CTBP1: variants seen among roughly 807,000 people sequenced by gnomAD.
CTBP1 encodes the protein C-terminal-binding protein 1.
Under a neutral mutation model 42.1 loss-of-function variants are expected in CTBP1, and 11 were observed. That is an observed-to-expected ratio of 0.26 (90% CI 0.16 to 0.43). The LOEUF is 0.43. CTBP1 is among the 20% of genes least tolerant of loss of function. The pLI, the probability that CTBP1 is intolerant of heterozygous loss-of-function variation, is 1.00. For missense variants in CTBP1, 399 were observed against 624.3 expected, an observed-to-expected ratio of 0.64 and a Z score of 3.85; for synonymous variants, 324 against 277.1, an observed-to-expected ratio of 1.17 and a Z score of -1.68.
rs193242415 is a variant in CTBP1, at chr4:1,244,510, G to A, written c.-188-2991C>T. Reference sequence around the variant, plus strand: ...ACCAACCCTCCACGTCCCTCCACTGGCCAGCCCTGCTGGGCCAACCGGTCC... The same window carrying A: ...ACCAACCCTCCACGTCCCTCCACTGACCAGCCCTGCTGGGCCAACCGGTCC... On this transcript the variant is annotated intron_variant, in intron 1 of 9. Coordinates refer to ENST00000382952, the MANE Select transcript of CTBP1 (RefSeq NM_001012614.2). 9,791 of 985,144 alleles carry A rather than the reference G, an allele frequency of 9.9e-3. 54 individuals carry two copies. Among genetic ancestry groups the A allele is most frequent in the Non-Finnish European group, 0.011 (8,882 of 829,772 alleles). The allele number at this position is 985,144 out of a possible 1,614,324, so 61.0% of individuals were successfully genotyped here. A position where few individuals can be genotyped will look rare whatever the true frequency, so the allele number is the denominator to read the frequency against.
intron 2 of CTBP1, among the ~76,000 whole-genome samples, chr4:1,240,785 C>T (rs1202718587): frequency 6.6e-6 from 1 of 152,180 alleles, no homozygotes; most frequent in Non-Finnish European, 1.5e-5. Flanking sequence ...GTTCCCCGGA[C>T]AGCCCACCCT....
At chr4:1,244,361 G>GGA in intron 1 of CTBP1, 1 of 984,366 alleles carries the variant, frequency 1.0e-6, no homozygotes, top group Non-Finnish European at 1.2e-6. Flanking sequence ...CACTGGGGGG[G>GGA]GGGTGTTCCA....
At position 1,238,039 on chromosome 4, in the gene CTBP1, T is replaced by G. The variant is rs1251451349; in HGVS notation, c.162+144A>C. 4.5e-6 allele frequency: 5 copies of G among 1,115,590 alleles called. No individual in the cohort carries two copies. The highest frequency in any genetic ancestry group is 5.4e-6 in the Non-Finnish European group (4 of 741,386). 69.1% of individuals were successfully genotyped at this position (1,115,590 alleles called of 1,614,324 possible). A position where few individuals can be genotyped will look rare whatever the true frequency, so the allele number is the denominator to read the frequency against. ...CAGGGAAAACCCCGTGTCCACCTCC[T>G]GACGGCGCGGGACGACTGGGACAGA... On this transcript the variant is annotated intron_variant, in intron 3 of 9. Coordinates refer to ENST00000382952, the MANE Select transcript of CTBP1 (RefSeq NM_001012614.2). This position sits in a 1 kb window ranked among gnomAD's most constrained non-coding sequence, Gnocchi z 5.9.
intron 3 of CTBP1, among the ~76,000 whole-genome samples, chr4:1,229,124 C>T (rs1242340251): frequency 6.6e-6 from 1 of 152,216 alleles, no homozygotes; most frequent in Non-Finnish European, 1.5e-5. Context: ...GTGGTCACGG[C>T]CAACCCCACC....
chr4:1,213,842 C>T lies in CTBP1; in HGVS notation c.861-237G>A, dbSNP rs1299436940. ...AGCCCAAGGGATTTAATCTCCAAGTCCCTCGTGGGAGGAGCCCTGATGGGG... is the reference window on the plus strand; with the variant it reads ...AGCCCAAGGGATTTAATCTCCAAGTTCCTCGTGGGAGGAGCCCTGATGGGG... On this transcript the variant is annotated intron_variant, in intron 7 of 9. Transcript: ENST00000382952. 3 of 534,476 alleles carry T rather than the reference C, an allele frequency of 5.6e-6. No homozygotes were observed. In the East Asian group the frequency reaches 1.0e-4, roughly 18 times the overall value. 33.1% of individuals were successfully genotyped at this position (534,476 alleles called of 1,614,324 possible).
chr4:1,219,686 G>A (rs567051768), intron 5 of CTBP1, among the ~76,000 whole-genome samples: 1 of 152,368 alleles, frequency 6.6e-6, no homozygotes, highest in Non-Finnish European at 1.5e-5. Context: ...AGCAGTGTGT[G>A]CAAGAGAAAA....
At chr4:1,227,952 A>G (rs1449197762) in intron 4 of CTBP1, among the ~76,000 whole-genome samples, 3 of 152,182 alleles carry the variant, frequency 2.0e-5, no homozygotes, top group Admixed American at 6.5e-5. Flanking sequence ...ATGCATGCAG[A>G]CCTGTGTGAA....
At chr4:1,221,308 T>G (rs1250286823) in intron 5 of CTBP1, 1 of 152,342 alleles carries the variant, frequency 6.6e-6, no homozygotes, top group African/African-American at 2.4e-5. Flanking sequence ...GATACGCGGC[T>G]GCCGGAGCAT....
At chr4:1,243,616 A>C (rs1194423786) in intron 1 of CTBP1, 1 of 985,386 alleles carries the variant, frequency 1.0e-6, no homozygotes, top group African/African-American at 1.7e-5. Flanking sequence ...CCCCACTGAG[A>C]GCCAGTGTCC....
At chr4:1,248,505 C>A (rs1330112009) in intron 1 of CTBP1, among the ~76,000 whole-genome samples, 1 of 150,754 alleles carries the variant, frequency 6.6e-6, no homozygotes, top group Non-Finnish European at 1.5e-5. Context: ...CGCCCCATCC[C>A]GGCCCCGCAG....
chr4:1,231,950 G>C (rs1267930192), intron 3 of CTBP1, among the ~76,000 whole-genome samples: 1 of 152,260 alleles, frequency 6.6e-6, no homozygotes, highest in Non-Finnish European at 1.5e-5. Context: ...GCGCACCCCG[G>C]TTCTCATACA....
rs1299609277 is a variant in CTBP1, at chr4:1,242,489, C to T, written c.-188-970G>A. 32 of 984,956 alleles carry T rather than the reference C, an allele frequency of 3.2e-5. No individual in the cohort carries two copies. The East Asian group carries it at 6.8e-4, about 21-fold the overall frequency. The allele number at this position is 984,956 out of a possible 1,614,324, so 61.0% of individuals were successfully genotyped here. ...GTAGTGTGCTGTGAGGCCGCCCCTGCGCAGAGGCCTCGCAGACAAATCTCC... is the reference window on the plus strand; with the variant it reads ...GTAGTGTGCTGTGAGGCCGCCCCTGTGCAGAGGCCTCGCAGACAAATCTCC... On this transcript the variant is annotated intron_variant, in intron 1 of 9. Transcript: ENST00000382952.
intron 1 of CTBP1, among the ~76,000 whole-genome samples, chr4:1,248,204 G>A (rs1256624994): frequency 2.6e-5 from 4 of 151,960 alleles, no homozygotes; most frequent in Non-Finnish European, 5.9e-5. Context: ...AGGCGCCCCG[G>A]GACCTGGGCG....
At chr4:1,244,061 A>G in intron 1 of CTBP1, 2 of 985,436 alleles carry the variant, frequency 2.0e-6, no homozygotes, top group Non-Finnish European at 2.4e-6. Context: ...GAGGGGCAGC[A>G]GCCCCCAGGT....
At chr4:1,246,848 T>A (rs1732770866) in intron 1 of CTBP1, among the ~76,000 whole-genome samples, 1 of 151,914 alleles carries the variant, frequency 6.6e-6, no homozygotes, top group African/African-American at 2.4e-5. Context: ...CCAGAAAAAA[T>A]TTATTAACAG....
chr4:1,239,175 G>C (rs1486906647), intron 2 of CTBP1, among the ~76,000 whole-genome samples: 1 of 152,212 alleles, frequency 6.6e-6, no homozygotes, highest in East Asian at 1.9e-4. Flanking sequence ...ACGCAACTAA[G>C]CCTCATCGGG....
chr4:1,221,852 AT>A, intron 5 of CTBP1: 1 of 425,546 alleles, frequency 2.3e-6, no homozygotes. Flanking sequence ...AAGACAGTGC[AT>A]TTTTCAGAAG....
intron 1 of CTBP1, chr4:1,242,502 C>G (rs1420753704): frequency 9.1e-6 from 9 of 984,970 alleles, no homozygotes; most frequent in Non-Finnish European, 1.1e-5. Context: ...AGAGGCCTCG[C>G]AGACAAATCT....
At chr4:1,225,068 A>G (rs761557691) in intron 5 of CTBP1, among the ~76,000 whole-genome samples, 1 of 150,106 alleles carries the variant, frequency 6.7e-6, no homozygotes, top group Non-Finnish European at 1.5e-5. Context: ...GCATGTGCCC[A>G]TGAGACCCAC....
Sources: allele counts gnomAD v4.1 joint callset (sites outside exome capture counted in the v4.1 genomes callset), GRCh38; gene constraint gnomAD v4.1.1; non-coding constraint Gnocchi (gnomAD v3.1); transcripts MANE v1.5; gene names NCBI Gene and HGNC (gene_info 2026-07-23, HGNC 2026-07-21).